The following PDGFRA variants were observed in gnomAD, a reference collection of about 807,000 sequenced individuals.
The protein encoded by PDGFRA is platelet derived growth factor receptor alpha.
Under a neutral mutation model 121.5 loss-of-function variants are expected in PDGFRA, and 25 were observed. The observed-to-expected ratio is 0.21, with a 90% CI of 0.15 to 0.29. The LOEUF is 0.29. Among genes scored for constraint, PDGFRA ranks in the 10% least tolerant of loss-of-function variants. The pLI is 1.00. For synonymous variants in PDGFRA, 463 were observed against 494.8 expected (o/e 0.94, Z 0.85); for missense variants, 1,008 against 1,345.1 (o/e 0.75, Z 3.92).
chr4:54,285,287 G>C, intron 16 of PDGFRA, 84 bp from the exon 17 acceptor site: 1 of 762,494 alleles, frequency 1.3e-6, no homozygotes, highest in South Asian at 1.4e-5. Context: ...AAATATTTTT[G>C]GATGTGTTCT....
chr4:54,267,208 T>C, intron 5 of PDGFRA, 81 bp from the exon 6 acceptor site: 1 of 1,322,276 alleles, frequency 7.6e-7, no homozygotes, highest in South Asian at 1.2e-5. Context: ...ATCCATATCA[T>C]CCAGAGTCCA....
chr4:54,233,899 C>G (rs1203403899), intron 1 of PDGFRA, among the ~76,000 whole-genome samples: 1 of 152,152 alleles, frequency 6.6e-6, no homozygotes, highest in Non-Finnish European at 1.5e-5. Context: ...ATCAGCTGCG[C>G]GGCCGTCGCG....
Position 54,296,644 on chromosome 4 carries a change from A to C in PDGFRA, c.*1372A>C. ...GTTTCCATCCTTGAGATTCTGAAGT[A>C]TGAAGTCTGAGGGAAACCAGAGTCT... On this transcript the variant is annotated 3_prime_UTR_variant, in exon 23 of 23. Coordinates refer to ENST00000257290, the MANE Select transcript of PDGFRA (RefSeq NM_006206.6). 4.3e-6 allele frequency: 1 copy of C among 232,564 alleles called. No individual in the cohort carries two copies. The highest frequency in any genetic ancestry group is 8.5e-6 in the Non-Finnish European group (1 of 117,660). The allele number at this position is 232,564 out of a possible 1,614,324, so 14.4% of individuals were successfully genotyped here.
chr4:54,261,876 C>G (rs955017900), intron 3 of PDGFRA, among the ~76,000 whole-genome samples: 1 of 120,718 alleles, frequency 8.3e-6, no homozygotes, highest in Non-Finnish European at 1.7e-5. Context: ...AAGGAATTTT[C>G]TTTTTCCTTT....
At chr4:54,282,166 G>A (rs975510726) in intron 16 of PDGFRA, among the ~76,000 whole-genome samples, 1 of 152,086 alleles carries the variant, frequency 6.6e-6, no homozygotes, top group Non-Finnish European at 1.5e-5. Context: ...TGTGTGTTTT[G>A]TGTGTGCGTG....
intron 5 of PDGFRA, among the ~76,000 whole-genome samples, chr4:54,266,858 T>C (rs1723056706): frequency 6.6e-6 from 1 of 152,154 alleles, no homozygotes; most frequent in Admixed American, 6.5e-5. Flanking sequence ...GGCATGAGCC[T>C]GTAGCCCCAG....
rs1553904190 is a variant in PDGFRA, at chr4:54,273,603, C to T, written c.1431C>T (p.His477=). The part of the protein sequence containing the change: ...NNVSNIITEI[H]SRDRSTVEGR... ...TCTCAAACATCATCACGGAGATCCA[C>T]TCCCGAGACAGGAGTACCGTGGAGG... is the stretch of plus-strand genomic sequence containing the variant. Residue 477 remains histidine, a synonymous_variant, in exon 10 of 23, where the codon CAC becomes CAT. Transcript: ENST00000257290. The T allele has an allele frequency of 8.1e-6, 13 of 1,614,134 alleles. No homozygotes were observed. The highest frequency in any genetic ancestry group is 8.5e-6 in the Non-Finnish European group (10 of 1,179,994).
intron 1 of PDGFRA, chr4:54,230,554 A>T (rs1208396134): frequency 6.6e-6 from 1 of 152,288 alleles, no homozygotes; most frequent in Non-Finnish European, 1.5e-5. Flanking sequence ...AAGGTGCCGA[A>T]CTTCTTGTGA....
chr4:54,232,476 T>G (rs1720741060), intron 1 of PDGFRA, among the ~76,000 whole-genome samples: 1 of 152,216 alleles, frequency 6.6e-6, no homozygotes. Context: ...TGCCTCCTAC[T>G]GCAGTTTCTC....
intron 21 of PDGFRA, among the ~76,000 whole-genome samples, 166 bp from the exon 22 acceptor site, chr4:54,290,147 A>G (rs1012507459): frequency 6.6e-5 from 10 of 152,186 alleles, no homozygotes; most frequent in Non-Finnish European, 1.0e-4. Context: ...TTCATGTTCT[A>G]TGTCTCTGGG....
intron 7 of PDGFRA, among the ~76,000 whole-genome samples, chr4:54,268,503 C>G (rs1723162844): frequency 6.6e-6 from 1 of 152,204 alleles, no homozygotes; most frequent in Non-Finnish European, 1.5e-5. Flanking sequence ...ATACTTTTGT[C>G]AGAAATCATC....
intron 1 of PDGFRA, among the ~76,000 whole-genome samples, chr4:54,257,411 C>T (rs1722433703): frequency 2.0e-5 from 3 of 152,120 alleles, no homozygotes; most frequent in Non-Finnish European, 2.9e-5. Context: ...CCTTTATTTT[C>T]TTAATAAATT....
rs544773173 is a variant in PDGFRA, at chr4:54,261,015, C to A, written c.50-80C>A. On this transcript the variant is annotated intron_variant, in intron 2 of 22. Transcript: ENST00000257290. ...AAATGGTCATTGTTCATCTAAGCTG[C>A]TACTGTTGCTTCTCTCAGTTGTCGG... The A allele has an allele frequency of 4.9e-5, 62 of 1,254,066 alleles. No individual in the cohort carries two copies. In the African/African-American group the frequency reaches 8.9e-4, roughly 18 times the overall value. 77.7% of individuals were successfully genotyped at this position (1,254,066 alleles called of 1,614,324 possible).
chr4:54,273,807 G>C, intron 10 of PDGFRA, 77 bp downstream of exon 10: 1 of 1,214,944 alleles, frequency 8.2e-7, no homozygotes, highest in Non-Finnish European at 1.2e-6. Context: ...TCCCAGATAG[G>C]GGTTATATAG....
At chr4:54,273,447 C>A in intron 9 of PDGFRA, 90 bp from the exon 10 acceptor site, 1 of 1,018,618 alleles carries the variant, frequency 9.8e-7, no homozygotes, top group Non-Finnish European at 1.6e-6. Flanking sequence ...AAGGTCCCAA[C>A]TCCTTGCCAT....
In PDGFRA at chr4:54,277,911, G is replaced by C. The variant is rs1723827579; in HGVS notation, c.1907G>C (p.Ser636Thr). 1 of 1,612,234 alleles carries C rather than the reference G, an allele frequency of 6.2e-7. No homozygotes were observed. Among genetic ancestry groups the C allele is most frequent in the South Asian group, 1.1e-5 (1 of 91,066 alleles). Residue 636 changes from serine (S) to threonine (T), a missense_variant, in exon 14 of 23, where the codon AGT becomes ACT. By Grantham distance (58) the Ser-to-Thr change is moderately conservative. Around this residue, in one of 5 missense-constraint regions of PDGFRA, gnomAD observed 61 missense variants for 125.3 expected, o/e 0.49. Coordinates refer to ENST00000257290, the MANE Select transcript of PDGFRA (RefSeq NM_006206.6). ...CTTTCAACAGCCACGGCCAGATCCA[G>C]TGAAAAACAAGCTCTCATGTCTGAA... Reference protein sequence around the residue: ...VKMLKPTARSSEKQALMSELK... With the variant: ...VKMLKPTARSTEKQALMSELK...
In PDGFRA at chr4:54,264,946, A is replaced by G. The variant is rs2110257636; in HGVS notation, c.656A>G (p.Glu219Gly). 6.2e-7 allele frequency: 1 copy of G among 1,613,128 alleles called. No individual in the cohort carries two copies. Among genetic ancestry groups the G allele is most frequent in the Non-Finnish European group, 8.5e-7 (1 of 1,179,212 alleles). Reference protein sequence around the residue: ...KATSELDLEMEALKTVYKSGE... With the variant: ...KATSELDLEMGALKTVYKSGE... ...ACATCAGAGCTGGATCTAGAAATGGAAGCTCTTAAAACCGTGTATAAGTCA... is the reference window on the plus strand; with the variant it reads ...ACATCAGAGCTGGATCTAGAAATGGGAGCTCTTAAAACCGTGTATAAGTCA... Residue 219 changes from glutamate (E) to glycine (G), a missense_variant, in exon 5 of 23, where the codon GAA (glutamate) becomes GGA (glycine). Physicochemically the swap from Glu to Gly is moderately conservative, Grantham distance 98 (BLOSUM62 -2). Coordinates refer to ENST00000257290, the MANE Select transcript of PDGFRA (RefSeq NM_006206.6).
chr4:54,239,313 C>A (rs1028829312), intron 1 of PDGFRA, among the ~76,000 whole-genome samples: 1 of 152,262 alleles, frequency 6.6e-6, no homozygotes, highest in Non-Finnish European at 1.5e-5. Flanking sequence ...TATACTCACT[C>A]AAGCAGCCAT....
At chr4:54,246,825 C>G (rs989819665) in intron 1 of PDGFRA, among the ~76,000 whole-genome samples, 1 of 149,482 alleles carries the variant, frequency 6.7e-6, no homozygotes, top group Non-Finnish European at 1.5e-5. Context: ...GCTAGCAAGA[C>G]TAATAAAGAA....
Sources: gnomAD v4.1 joint callset for allele counts (sites outside exome capture counted in the v4.1 genomes callset) on GRCh38, gnomAD v4.1.1 for gene constraint, gnomAD v4.1.1 regional missense constraint, MANE v1.5 for transcripts, NCBI Gene and HGNC (gene_info 2026-07-23, HGNC 2026-07-21) for gene names.